MACROD2: variants seen among roughly 807,000 people sequenced by gnomAD.
MACROD2 encodes mono-ADP ribosylhydrolase 2, also known as ADP-ribose glycohydrolase MACROD2.
A neutral mutation model predicts 70.4 loss-of-function variants in MACROD2; 36 were observed. The observed-to-expected ratio is 0.51, with a 90% CI of 0.39 to 0.68. The LOEUF (loss-of-function observed/expected upper bound fraction) is 0.68. MACROD2 is among the 30% of genes least tolerant of loss of function. The pLI is 0.00. For synonymous variants in MACROD2, 172 were observed against 178.8 expected (o/e 0.96, Z 0.30); for missense variants, 496 against 538.4 (o/e 0.92, Z 0.78).
intron 9 of MACROD2, among the ~76,000 whole-genome samples, chr20:15,874,994 T>G (rs1436789602): frequency 6.6e-6 from 1 of 152,102 alleles, no homozygotes; most frequent in African/African-American, 2.4e-5. Context: ...GGAAGAATGT[T>G]CAGAGAACTG....
intron 8 of MACROD2, among the ~76,000 whole-genome samples, chr20:15,684,687 G>A (rs540045305): frequency 1.3e-5 from 2 of 152,348 alleles, no homozygotes; most frequent in South Asian, 4.1e-4. Context: ...TCCATGGGTT[G>A]TTAAGTTTCT....
chr20:14,104,868 T>G (rs1295480501), intron 3 of MACROD2, among the ~76,000 whole-genome samples: 1 of 152,194 alleles, frequency 6.6e-6, no homozygotes, highest in East Asian at 1.9e-4. Context: ...GGATTCTTAT[T>G]CTACCTGTGG....
In MACROD2 at chr20:15,734,672, T is replaced by C. The variant is rs562144869; in HGVS notation, c.646-128073T>C. On this transcript the variant is annotated intron_variant, in intron 8 of 17. Coordinates refer to ENST00000684519, the MANE Select transcript of MACROD2 (RefSeq NM_001351661.2). ...AAAATCATCTTCAACAAGATGCCTT[T>C]TACCTATTTCTTGTCCCTTTTATAT... is the stretch of plus-strand genomic sequence containing the variant. Among the ~76,000 whole-genome samples, 9 of 152,334 alleles carry C rather than the reference T, an allele frequency of 5.9e-5. No homozygotes were observed. The South Asian group carries it at 1.9e-3, about 32-fold the overall frequency.
intron 3 of MACROD2, among the ~76,000 whole-genome samples, chr20:14,318,409 C>T (rs1796942650): frequency 6.6e-6 from 1 of 152,150 alleles, no homozygotes; most frequent in African/African-American, 2.4e-5. Flanking sequence ...TTTCTAATCT[C>T]ATTCTAGCCA....
intron 3 of MACROD2, among the ~76,000 whole-genome samples, chr20:14,461,579 C>G (rs1290701258): frequency 1.3e-5 from 2 of 151,582 alleles, no homozygotes; most frequent in Admixed American, 1.3e-4. Flanking sequence ...ATATGTATAC[C>G]TGTGCCATGT....
At chr20:15,587,025 T>C (rs1195635092) in intron 8 of MACROD2, among the ~76,000 whole-genome samples, 3 of 152,200 alleles carry the variant, frequency 2.0e-5, no homozygotes, top group Admixed American at 6.5e-5. Context: ...ATAAATTCAA[T>C]ATAATTCCAA....
intron 8 of MACROD2, among the ~76,000 whole-genome samples, chr20:15,660,402 A>ATTT (rs10665751): frequency 5.3e-5 from 8 of 150,982 alleles, no homozygotes; most frequent in Middle Eastern, 6.8e-3. Context: ...CATGCACATC[A>ATTT]TTTTTTTTTC....
chr20:14,784,675 G>C (rs949340331), intron 5 of MACROD2, among the ~76,000 whole-genome samples: 2 of 141,902 alleles, frequency 1.4e-5, no homozygotes, highest in Non-Finnish European at 3.1e-5. Flanking sequence ...AAGTGGGGGG[G>C]GGGGGGCACC....
intron 5 of MACROD2, among the ~76,000 whole-genome samples, chr20:14,944,123 G>A (rs150786433): frequency 1.1e-3 from 166 of 152,108 alleles, no homozygotes; most frequent in African/African-American, 3.9e-3. Context: ...ATTTACACCT[G>A]CTCTCCTTAC....
At chr20:15,795,723 AT>A (rs1388560478) in intron 8 of MACROD2, among the ~76,000 whole-genome samples, 1 of 152,194 alleles carries the variant, frequency 6.6e-6, no homozygotes, top group Admixed American at 6.5e-5. Flanking sequence ...TTTGCATGGC[AT>A]TATAAGAATG....
intron 5 of MACROD2, among the ~76,000 whole-genome samples, chr20:15,207,091 G>A (rs2076715442): frequency 6.6e-6 from 1 of 152,086 alleles, no homozygotes; most frequent in Non-Finnish European, 1.5e-5. Context: ...TTGGTCAGTA[G>A]TATTTCATTG....
chr20:15,417,090 G>A (rs1372627877), intron 6 of MACROD2, among the ~76,000 whole-genome samples: 2 of 152,136 alleles, frequency 1.3e-5, no homozygotes, highest in African/African-American at 4.8e-5. Flanking sequence ...ATCTGCATAT[G>A]CGTTGGTAAA....
intron 5 of MACROD2, among the ~76,000 whole-genome samples, chr20:14,775,984 G>A (rs991179396): frequency 6.6e-6 from 1 of 152,000 alleles, no homozygotes; most frequent in African/African-American, 2.4e-5. Context: ...GTCACAACAA[G>A]TCCCTGGAGT....
At chr20:14,223,888 G>A (rs1424842222) in intron 3 of MACROD2, among the ~76,000 whole-genome samples, 2 of 152,214 alleles carry the variant, frequency 1.3e-5, no homozygotes, top group African/African-American at 4.8e-5. Flanking sequence ...GCTTATTGAT[G>A]GCTCACATGA....
chr20:14,333,942 C>T (rs138921766), intron 3 of MACROD2, among the ~76,000 whole-genome samples: 3 of 152,154 alleles, frequency 2.0e-5, no homozygotes, highest in Non-Finnish European at 4.4e-5. Context: ...GTAACTTGTG[C>T]ACATGTAAAG....
At chr20:14,404,303 G>T (rs2083669671) in intron 3 of MACROD2, among the ~76,000 whole-genome samples, 1 of 152,108 alleles carries the variant, frequency 6.6e-6, no homozygotes, top group African/African-American at 2.4e-5. Context: ...GATTAAGGAA[G>T]CACATGTATA....
intron 3 of MACROD2, chr20:14,323,107 T>G (rs549903420): frequency 7.2e-5 from 11 of 152,264 alleles, no homozygotes; most frequent in African/African-American, 2.2e-4. Context: ...ACCAGCTGGG[T>G]GTCCTCCAAT....
At chr20:14,414,465 C>T (rs2083782408) in intron 3 of MACROD2, among the ~76,000 whole-genome samples, 1 of 152,158 alleles carries the variant, frequency 6.6e-6, no homozygotes, top group African/African-American at 2.4e-5. Context: ...TCATTTCTTG[C>T]CTGGATGATG....
rs1215286022 is a variant in MACROD2, at chr20:14,274,349, A to G, written c.271+188621A>G. Among the ~76,000 whole-genome samples, 6 of 152,322 alleles carry G rather than the reference A, an allele frequency of 3.9e-5. No homozygotes were observed. The East Asian group carries it at 1.2e-3, about 29-fold the overall frequency. On this transcript the variant is annotated intron_variant, in intron 3 of 17. Transcript: ENST00000684519. ...TGCAAGGCTGGTTCGATATACGCAA[A>G]TCAATAAATGTAATCCAGCATATAA...
Sources: gnomAD v4.1 joint callset for allele counts (sites outside exome capture counted in the v4.1 genomes callset) on GRCh38, gnomAD v4.1.1 for gene constraint, MANE v1.5 for transcripts, NCBI Gene and HGNC (gene_info 2026-07-23, HGNC 2026-07-21) for gene names.